LRRC14: variants seen among roughly 807,000 people sequenced by gnomAD.
LRRC14 encodes leucine-rich repeat-containing protein 14.
A neutral mutation model predicts 25.3 loss-of-function variants in LRRC14; 16 were observed. The observed-to-expected ratio is 0.63, with a 90% confidence interval of 0.43 to 0.96. The LOEUF is 0.96. Ranked by LOEUF, LRRC14 falls within the 40% of genes least tolerant of loss-of-function variation. The probability of loss-of-function intolerance (pLI) is 0.00; values close to 1 mark genes in which losing one functional copy is unlikely to be tolerated. For missense variants in LRRC14, 594 were observed against 660.5 expected (o/e 0.90, Z 1.10); for synonymous variants, 359 against 295.1 (o/e 1.22, Z -2.22).
Position 144,522,558 on chromosome 8 carries a change from C to T in LRRC14, c.*1080C>T, listed in dbSNP as rs754629326. On this transcript the variant is annotated 3_prime_UTR_variant, in exon 4 of 4. Coordinates refer to ENST00000292524, the MANE Select transcript of LRRC14 (RefSeq NM_014665.4). Reference sequence around the variant, plus strand: ...TGTTCCGGGCCGCAGTCAGCGGGCGCCTCCGCCGGACCCTCGGCGAAGAGC... The same window carrying T: ...TGTTCCGGGCCGCAGTCAGCGGGCGTCTCCGCCGGACCCTCGGCGAAGAGC... 1 of 1,540,732 alleles carries T rather than the reference C, an allele frequency of 6.5e-7. No individual in the cohort carries two copies. The highest frequency in any genetic ancestry group is 1.7e-4 in the Middle Eastern group (1 of 5,854).
In LRRC14 at chr8:144,525,103, C is replaced by T. The variant is rs906694608; in HGVS notation, c.*3625C>T. On this transcript the variant is annotated 3_prime_UTR_variant, in exon 4 of 4. Transcript: ENST00000292524. ...CCAATAGATGGAATGGAGGCCTGCACCTGCGTCTAACTTTTGACGCTATAA... is the reference window on the plus strand; with the variant it reads ...CCAATAGATGGAATGGAGGCCTGCATCTGCGTCTAACTTTTGACGCTATAA... The T allele has an allele frequency of 9.5e-6, 10 of 1,051,546 alleles. No individual in the cohort carries two copies. The highest frequency in any genetic ancestry group is 8.8e-6 in the Non-Finnish European group (7 of 795,300). The allele number at this position is 1,051,546 out of a possible 1,614,324, so 65.1% of individuals were successfully genotyped here.
chr8:144,522,366 CCA>C lies in LRRC14; in HGVS notation c.*894_*895del. On this transcript the variant is annotated 3_prime_UTR_variant, in exon 4 of 4. Transcript: ENST00000292524. ...GAGTGCAACGTTCCCGGCTCGCGCCCCACACACGGCTCAGCGCACACTGCGCG... is the reference window on the plus strand; with the variant it reads ...GAGTGCAACGTTCCCGGCTCGCGCCCCACACGGCTCAGCGCACACTGCGCG... The C allele has an allele frequency of 7.5e-7, 1 of 1,328,054 alleles. No individual in the cohort carries two copies. Among genetic ancestry groups the C allele is most frequent in the Non-Finnish European group, 9.6e-7 (1 of 1,042,140 alleles). 82.3% of individuals were successfully genotyped at this position (1,328,054 alleles called of 1,614,324 possible).
chr8:144,521,471 G>C lies in LRRC14; in HGVS notation c.1475G>C (p.Ser492Thr), dbSNP rs1816052456. ...IYGRLAADYF[S>T]L is the part of the protein sequence containing the mutation. ...GGGCGACTGGCTGCGGACTACTTCA[G>C]CCTATGATGAAGTAGCTCTGGGTGA... The change falls in exon 4 of 4, where the codon AGC (serine) becomes ACC (threonine). Residue 492 changes from serine (S) to threonine (T), a missense_variant. By Grantham distance (58) the Ser-to-Thr change is moderately conservative. Coordinates refer to ENST00000292524, the MANE Select transcript of LRRC14 (RefSeq NM_014665.4). 1.3e-6 allele frequency: 2 copies of C among 1,597,046 alleles called. No homozygotes were observed. Among genetic ancestry groups the C allele is most frequent in the East Asian group, 4.5e-5 (2 of 44,770 alleles).
rs1032181851 is a variant in LRRC14, at chr8:144,523,759, C to T, written c.*2281C>T. ...TCACCAGCACTGAAACCTCACAAGT[C>T]CTCTCAGCCTTGCCTTTGGATGCCC... On this transcript the variant is annotated 3_prime_UTR_variant, in exon 4 of 4. Coordinates refer to ENST00000292524, the MANE Select transcript of LRRC14 (RefSeq NM_014665.4). The T allele has an allele frequency of 2.7e-5, 11 of 414,900 alleles. No homozygotes were observed. The highest frequency in any genetic ancestry group is 8.1e-5 in the Admixed American group (2 of 24,724). The allele number at this position is 414,900 out of a possible 1,614,324, so 25.7% of individuals were successfully genotyped here.
chr8:144,522,563 G>T lies in LRRC14; in HGVS notation c.*1085G>T. On this transcript the variant is annotated 3_prime_UTR_variant, in exon 4 of 4. Coordinates refer to ENST00000292524, the MANE Select transcript of LRRC14 (RefSeq NM_014665.4). ...CGGGCCGCAGTCAGCGGGCGCCTCC[G>T]CCGGACCCTCGGCGAAGAGCGGCTT... is the stretch of plus-strand genomic sequence containing the variant. 6.5e-7 allele frequency: 1 copy of T among 1,547,616 alleles called. No individual in the cohort carries two copies.
Position 144,524,310 on chromosome 8 carries a change from AG to A in LRRC14, c.*2835del. 1 of 1,605,092 alleles carries A rather than the reference AG, an allele frequency of 6.2e-7. No homozygotes were observed. The highest frequency in any genetic ancestry group is 1.3e-5 in the African/African-American group (1 of 75,010). ...TAAGGACAGCAGATCGTGAGGAAAA[AG>A]GGCGCCGAGGTTGGGGGCATGTCTC... On this transcript the variant is annotated 3_prime_UTR_variant, in exon 4 of 4. Coordinates refer to ENST00000292524, the MANE Select transcript of LRRC14 (RefSeq NM_014665.4).
Position 144,521,570 on chromosome 8 carries a change from A to G in LRRC14, c.*92A>G. 1 of 1,288,116 alleles carries G rather than the reference A, an allele frequency of 7.8e-7. No individual in the cohort carries two copies. Among genetic ancestry groups the G allele is most frequent in the Non-Finnish European group, 1.0e-6 (1 of 953,828 alleles). 79.8% of individuals were successfully genotyped at this position (1,288,116 alleles called of 1,614,324 possible). A position where few individuals can be genotyped will look rare whatever the true frequency, so the allele number is the denominator to read the frequency against. ...GACCCCTGGTGGAGGCCTTCACAAAAGCACTGGTTACTGGTTTCCTGCTGG... is the reference window on the plus strand; with the variant it reads ...GACCCCTGGTGGAGGCCTTCACAAAGGCACTGGTTACTGGTTTCCTGCTGG... On this transcript the variant is annotated 3_prime_UTR_variant, in exon 4 of 4. Transcript: ENST00000292524.
chr8:144,522,904 C>T lies in LRRC14; in HGVS notation c.*1426C>T. 2 of 1,344,368 alleles carry T rather than the reference C, an allele frequency of 1.5e-6. No homozygotes were observed. The highest frequency in any genetic ancestry group is 1.9e-6 in the Non-Finnish European group (2 of 1,053,748). The allele number at this position is 1,344,368 out of a possible 1,614,324, so 83.3% of individuals were successfully genotyped here. ...CGGCCGGAGGCGGCGGTTGCGCGGG[C>T]TGCTGCGGCTGCTGCCGGGACGCGT... On this transcript the variant is annotated 3_prime_UTR_variant, in exon 4 of 4. Transcript: ENST00000292524.
rs745706402 is a variant in LRRC14, at chr8:144,524,562, G to C, written c.*3084G>C. 3.2e-6 allele frequency: 5 copies of C among 1,568,660 alleles called. No homozygotes were observed. The highest frequency in any genetic ancestry group is 4.3e-6 in the Non-Finnish European group (5 of 1,165,636). On this transcript the variant is annotated 3_prime_UTR_variant, in exon 4 of 4. Transcript: ENST00000292524. ...GCGCAAGCCGCGCAGCCGGTTGCTA[G>C]TGAGCGCCAGCTCCAGCAGGCGCGG...
rs3834368 is a variant in LRRC14 at position 144,522,234 on chromosome 8, AC to A, written c.*764del. Reference sequence around the variant, plus strand: ...TGTGGCCGGCCAGGGCCAGCGAGGGACCCCCCCCATGCAGAGCTGGAGGTTG... The same window carrying A: ...TGTGGCCGGCCAGGGCCAGCGAGGGACCCCCCCATGCAGAGCTGGAGGTTG... On this transcript the variant is annotated 3_prime_UTR_variant, in exon 4 of 4. Transcript: ENST00000292524. 7.7e-5 allele frequency: 36 copies of A among 468,782 alleles called. No individual in the cohort carries two copies. The highest frequency in any genetic ancestry group is 1.3e-4 in the South Asian group (2 of 15,264). 29.0% of individuals were successfully genotyped at this position (468,782 alleles called of 1,614,324 possible). A position where few individuals can be genotyped will look rare whatever the true frequency, so the allele number is the denominator to read the frequency against.
chr8:144,519,718 C>T lies in LRRC14; in HGVS notation c.-8C>T, dbSNP rs1268145506. On this transcript the variant is annotated 5_prime_UTR_variant, in exon 2 of 4. Transcript: ENST00000292524. ...TCCTGCAGGTGGCCGTCTGCCCGGC[C>T]CAGCACCATGCACACGCTTGTGTTC... 9 of 1,606,408 alleles carry T rather than the reference C, an allele frequency of 5.6e-6. No individual in the cohort carries two copies. In the East Asian group the frequency reaches 1.8e-4, roughly 32 times the overall value.
intron 1 of LRRC14, chr8:144,519,196 C>T: frequency 6.1e-6 from 1 of 165,068 alleles, no homozygotes; most frequent in Non-Finnish European, 1.3e-5. Flanking sequence ...TTGTGGAGTC[C>T]AAGTGTAGCC....
At position 144,522,841 on chromosome 8, in the gene LRRC14, G is replaced by C; in HGVS notation, c.*1363G>C. On this transcript the variant is annotated 3_prime_UTR_variant, in exon 4 of 4. Coordinates refer to ENST00000292524, the MANE Select transcript of LRRC14 (RefSeq NM_014665.4). ...CGCCCAGGGCGCGGAAGGCCATGCT[G>C]CCCGCCTCGGGCCGGGGCTCGCTGC... 7.3e-7 allele frequency: 1 copy of C among 1,374,140 alleles called. No individual in the cohort carries two copies. 85.1% of individuals were successfully genotyped at this position (1,374,140 alleles called of 1,614,324 possible). A position where few individuals can be genotyped will look rare whatever the true frequency, so the allele number is the denominator to read the frequency against.
In LRRC14 at chr8:144,520,711, A is replaced by G. The variant is rs1354980063; in HGVS notation, c.803A>G (p.Asp268Gly). 1 of 1,599,554 alleles carries G rather than the reference A, an allele frequency of 6.3e-7. No homozygotes were observed. Among genetic ancestry groups the G allele is most frequent in the Admixed American group, 1.7e-5 (1 of 60,024 alleles). Reference sequence around the variant, plus strand: ...GGGGATTCAAGGCAGCCCTCCGTGGATGGCGAGGACAACTTCCGCTACTTC... The same window carrying G: ...GGGGATTCAAGGCAGCCCTCCGTGGGTGGCGAGGACAACTTCCGCTACTTC... ...VHGDSRQPSV[D>G]GEDNFRYFLA... Residue 268 changes from aspartate to glycine, a missense_variant, in exon 3 of 4, where the codon GAT becomes GGT. Coordinates refer to ENST00000292524, the MANE Select transcript of LRRC14 (RefSeq NM_014665.4).
Position 144,523,000 on chromosome 8 carries a change from G to A in LRRC14, c.*1522G>A. ...AGGCCTCGCACTCGTACTTACCGGCGTGCGCCAGCGTGATGTTGCTGAGGA... is the reference window on the plus strand; with the variant it reads ...AGGCCTCGCACTCGTACTTACCGGCATGCGCCAGCGTGATGTTGCTGAGGA... On this transcript the variant is annotated 3_prime_UTR_variant, in exon 4 of 4. Coordinates refer to ENST00000292524, the MANE Select transcript of LRRC14 (RefSeq NM_014665.4). The A allele has an allele frequency of 1.3e-6, 2 of 1,595,652 alleles. No homozygotes were observed. Among genetic ancestry groups the A allele is most frequent in the Non-Finnish European group, 8.5e-7 (1 of 1,174,758 alleles).
At position 144,520,438 on chromosome 8, in the gene LRRC14, C is replaced by T; in HGVS notation, c.530C>T (p.Ser177Phe). ...GTGGACCTGCGGGTGAACCGGGCCT[C>T]CTATGCGTTCCTGCGGGAGGCACTC... ...VRVDLRVNRA[S>F]YAFLREALRS... Residue 177 changes from serine to phenylalanine, a missense_variant, in exon 3 of 4, where the codon TCC becomes TTC. Physicochemically the swap from Ser to Phe is radical, Grantham distance 155. Coordinates refer to ENST00000292524, the MANE Select transcript of LRRC14 (RefSeq NM_014665.4). 1 of 1,598,888 alleles carries T rather than the reference C, an allele frequency of 6.3e-7. No homozygotes were observed. Among genetic ancestry groups the T allele is most frequent in the Non-Finnish European group, 8.5e-7 (1 of 1,175,462 alleles).
intron 1 of LRRC14, chr8:144,518,578 T>C (rs1255725824): frequency 3.9e-5 from 6 of 152,412 alleles, no homozygotes; most frequent in Non-Finnish European, 8.8e-5. Flanking sequence ...CGAGGGTTGG[T>C]GTCTGGGACT....
In LRRC14 at chr8:144,521,350, A is replaced by T; in HGVS notation, c.1354A>T (p.Ile452Phe). The change falls in exon 4 of 4, where the codon ATC (isoleucine) becomes TTC (phenylalanine). Residue 452 changes from isoleucine to phenylalanine, a missense_variant. Physicochemically the swap from Ile to Phe is conservative, Grantham distance 21. Transcript: ENST00000292524. ...TGCCTCTGTCCTGCTGGAGGCCTCCATCAATGAGGAGAAGTTTGCCCGCGT... is the reference window on the plus strand; with the variant it reads ...TGCCTCTGTCCTGCTGGAGGCCTCCTTCAATGAGGAGAAGTTTGCCCGCGT... Reference protein sequence around the residue: ...PPASVLLEASINEEKFARVEA... With the variant: ...PPASVLLEASFNEEKFARVEA... 6.2e-7 allele frequency: 1 copy of T among 1,612,978 alleles called. No individual in the cohort carries two copies. The highest frequency in any genetic ancestry group is 8.5e-7 in the Non-Finnish European group (1 of 1,180,012).
Position 144,521,511 on chromosome 8 carries a change from T to C in LRRC14, c.*33T>C. 2 of 1,566,750 alleles carry C rather than the reference T, an allele frequency of 1.3e-6. No homozygotes were observed. Among genetic ancestry groups the C allele is most frequent in the African/African-American group, 1.3e-5 (1 of 74,396 alleles). ...GCTCTGGGTGAGACACAGGCCGCCC[T>C]GCAGTCTCTTTAGGTAGGCAGGGCC... On this transcript the variant is annotated 3_prime_UTR_variant, in exon 4 of 4. Coordinates refer to ENST00000292524, the MANE Select transcript of LRRC14 (RefSeq NM_014665.4).
Sources: gnomAD v4.1 joint callset for allele counts on GRCh38, gnomAD v4.1.1 for gene constraint, MANE v1.5 for transcripts, NCBI Gene and HGNC (gene_info 2026-07-23, HGNC 2026-07-21) for gene names.